The following VWA3B variants were observed in gnomAD, a reference collection of about 807,000 sequenced individuals.
VWA3B encodes the protein von Willebrand factor A domain containing 3B.
VWA3B carries 138 observed loss-of-function variants against 158.3 expected under a neutral mutation model. That is an observed-to-expected ratio of 0.87 (90% CI 0.76 to 1.00). The LOEUF (loss-of-function observed/expected upper bound fraction) is 1.00. Among genes scored for constraint, VWA3B ranks in the 50% least tolerant of loss-of-function variants. VWA3B has a pLI of 0.00. For missense variants in VWA3B, 1,555 were observed against 1,565.1 expected (o/e 0.99, Z 0.11); for synonymous variants, 596 against 587.3 (o/e 1.01, Z -0.21).
At chr2:98,245,582 T>C in intron 19 of VWA3B, 1 of 456,942 alleles carries the variant, frequency 2.2e-6, no homozygotes, top group Non-Finnish European at 4.4e-6. Flanking sequence ...AGGCATGAGG[T>C]TGAAATCCAC....
chr2:98,090,172 A>C (rs990514783), intron 1 of VWA3B, among the ~76,000 whole-genome samples: 1 of 152,236 alleles, frequency 6.6e-6, no homozygotes, highest in Admixed American at 6.5e-5. Context: ...TGTTTCTTGG[A>C]ACAACTGACC....
chr2:98,305,025 G>A (rs115077876), intron 26 of VWA3B, among the ~76,000 whole-genome samples: 181 of 152,202 alleles, frequency 1.2e-3, no homozygotes, highest in African/African-American at 4.0e-3. Context: ...GAGGCCACAC[G>A]GGACCTCTCA....
Position 98,290,599 on chromosome 2 carries a change from A to G in VWA3B, c.3134A>G (p.Asp1045Gly), listed in dbSNP as rs1689430572. Reference sequence around the variant, plus strand: ...GGACAGAAGGTTATTGCAAGATGTGATGAAAATGGCTTTTATTTTCCAGGT... The same window carrying G: ...GGACAGAAGGTTATTGCAAGATGTGGTGAAAATGGCTTTTATTTTCCAGGT... ...LKGQKVIARC[D>G]ENGFYFPGVV... is the part of the protein sequence containing the mutation. Residue 1045 changes from aspartate (D) to glycine (G), a missense_variant, in exon 23 of 28, where the codon GAT (aspartate) becomes GGT (glycine). Transcript: ENST00000477737. 1 of 1,596,280 alleles carries G rather than the reference A, an allele frequency of 6.3e-7. No homozygotes were observed. The highest frequency in any genetic ancestry group is 8.5e-7 in the Non-Finnish European group (1 of 1,174,322).
intron 13 of VWA3B, chr2:98,216,982 A>ACCCCCCCCC (rs139373261): frequency 8.1e-6 from 10 of 1,237,192 alleles, no homozygotes; most frequent in African/African-American, 1.6e-5. Context: ...CATTGTAAGC[A>ACCCCCCCCC]CCCGCCCCGC....
At chr2:98,283,154 A>C (rs1356050917) in intron 22 of VWA3B, among the ~76,000 whole-genome samples, 1 of 152,264 alleles carries the variant, frequency 6.6e-6, no homozygotes, top group Admixed American at 6.5e-5. Flanking sequence ...GGCTAGTTAA[A>C]TAAATTACGT....
intron 22 of VWA3B, among the ~76,000 whole-genome samples, chr2:98,274,593 GGA>G (rs1688408796): frequency 1.3e-5 from 2 of 152,184 alleles, no homozygotes; most frequent in Non-Finnish European, 2.9e-5. Context: ...GAACGTGGCA[GGA>G]GAGACGTTGG....
At position 98,194,782 on chromosome 2, in the gene VWA3B, GT is replaced by G. The variant is rs747904889; in HGVS notation, c.1737+300del. On this transcript the variant is annotated intron_variant, in intron 12 of 27. Transcript: ENST00000477737. ...TTATGAAAACACATTTCAAAACAGAGTTTTTTTTTTGTACTCAGACATTCAG... is the reference window on the plus strand; with the variant it reads ...TTATGAAAACACATTTCAAAACAGAGTTTTTTTTTGTACTCAGACATTCAG... Among the ~76,000 whole-genome samples the G allele has an allele frequency of 4.1e-4, 61 of 148,954 alleles. No homozygotes were observed. In the East Asian group the frequency reaches 6.3e-3, roughly 15 times the overall value.
chr2:98,174,731 A>G (rs1288263953), intron 8 of VWA3B, among the ~76,000 whole-genome samples: 1 of 152,162 alleles, frequency 6.6e-6, no homozygotes, highest in Non-Finnish European at 1.5e-5. Context: ...GGCTATGCAT[A>G]TGTTCAAAAA....
chr2:98,209,800 T>C (rs1233831113), intron 12 of VWA3B, among the ~76,000 whole-genome samples: 1 of 152,238 alleles, frequency 6.6e-6, no homozygotes, highest in Non-Finnish European at 1.5e-5. Flanking sequence ...TTTTAAATTA[T>C]ATCTTAGACC....
Position 98,104,642 on chromosome 2 carries a change from C to T in VWA3B, c.197-11010C>T, listed in dbSNP as rs553207113. 1.1e-4 allele frequency among the ~76,000 whole-genome samples: 16 copies of T among 152,314 alleles called. No individual in the cohort carries two copies. The South Asian group carries it at 1.7e-3, about 16-fold the overall frequency. On this transcript the variant is annotated intron_variant, in intron 2 of 27. Coordinates refer to ENST00000477737, the MANE Select transcript of VWA3B (RefSeq NM_144992.5). ...ATAGCAACTAGTGTTTGATTCTATA[C>T]ATTTAATGTAATAATTGATATATTT...
chr2:98,239,902 G>A (rs1259918593), intron 19 of VWA3B, among the ~76,000 whole-genome samples: 1 of 149,032 alleles, frequency 6.7e-6, no homozygotes, highest in Non-Finnish European at 1.5e-5. Flanking sequence ...AACAGAGCGA[G>A]ACTTCATCTA....
chr2:98,207,701 G>T, intron 12 of VWA3B: 1 of 412,618 alleles, frequency 2.4e-6, no homozygotes, highest in Non-Finnish European at 4.7e-6. Context: ...TTTGGCAGAA[G>T]CTGATACGCT....
the VWA3B span, among the ~76,000 whole-genome samples, chr2:98,330,252 C>T: frequency 6.6e-6 from 1 of 152,174 alleles, no homozygotes; most frequent in African/African-American, 2.4e-5. Context: ...TCAGGTCTAA[C>T]TAAGGGGCTC....
At chr2:98,093,912 G>A (rs545510146) in intron 2 of VWA3B, among the ~76,000 whole-genome samples, 1 of 152,012 alleles carries the variant, frequency 6.6e-6, no homozygotes, top group Non-Finnish European at 1.5e-5. Flanking sequence ...CCTGTGCCTT[G>A]GTTATTTTAT....
At chr2:98,184,015 T>G (rs1408930667) in intron 9 of VWA3B, among the ~76,000 whole-genome samples, 1 of 152,228 alleles carries the variant, frequency 6.6e-6, no homozygotes, top group African/African-American at 2.4e-5. Context: ...TGCTCTCAGT[T>G]TACACAGGAG....
intron 14 of VWA3B, among the ~76,000 whole-genome samples, chr2:98,223,147 T>A (rs1216898693): frequency 6.6e-6 from 1 of 152,004 alleles, no homozygotes; most frequent in African/African-American, 2.4e-5. Context: ...ATAAAAAAAA[T>A]TCCAAGTGGA....
At chr2:98,118,329 G>A (rs1011556333) in intron 3 of VWA3B, among the ~76,000 whole-genome samples, 4 of 152,114 alleles carry the variant, frequency 2.6e-5, no homozygotes, top group African/African-American at 9.7e-5. Context: ...GAGGAATGAG[G>A]TTGACAGACA....
intron 20 of VWA3B, among the ~76,000 whole-genome samples, chr2:98,254,430 T>A (rs539422980): frequency 2.2e-3 from 328 of 152,282 alleles, no homozygotes; most frequent in Non-Finnish European, 3.5e-3. Flanking sequence ...AGCACAAAGA[T>A]ACCTAAAATG....
chr2:98,299,182 GC>G (rs1226328466), intron 24 of VWA3B, among the ~76,000 whole-genome samples: 1 of 151,990 alleles, frequency 6.6e-6, no homozygotes, highest in Admixed American at 6.5e-5. Context: ...CAGATTCCCT[GC>G]CCCCCAGACC....
Sources: gnomAD v4.1 joint callset for allele counts (sites outside exome capture counted in the v4.1 genomes callset) on GRCh38, gnomAD v4.1.1 for gene constraint, MANE v1.5 for transcripts, NCBI Gene and HGNC (gene_info 2026-07-23, HGNC 2026-07-21) for gene names.